The following NEXMIF variants were observed in gnomAD, a reference collection of about 807,000 sequenced individuals.
The protein encoded by NEXMIF is XLMR protein related to neurite extension.
In NEXMIF, 8 loss-of-function variants were observed where a neutral mutation model predicts 62.1. That is an observed-to-expected ratio of 0.13 (90% CI 0.08 to 0.23). The LOEUF (loss-of-function observed/expected upper bound fraction) is 0.23. NEXMIF is among the 10% of genes least tolerant of loss of function. The pLI, the probability that NEXMIF is intolerant of heterozygous loss-of-function variation, is 1.00. For missense variants in NEXMIF, 976 were observed against 1,113.3 expected (o/e 0.88, Z 1.75); for synonymous variants, 404 against 416.6 (o/e 0.97, Z 0.37).
intron 1 of NEXMIF, among the ~76,000 whole-genome samples, chrX:74,883,336 C>G (rs1433748453): frequency 9.0e-6 from 1 of 110,945 alleles, no homozygotes; most frequent in Non-Finnish European, 1.9e-5. Flanking sequence ...CTTCAGAAGA[C>G]CAAACTACTC....
At chrX:74,823,816 G>A (rs1327357664) in intron 1 of NEXMIF, among the ~76,000 whole-genome samples, 1 of 111,180 alleles carries the variant, frequency 9.0e-6, no homozygotes, top group African/African-American at 3.3e-5. Context: ...TGTAAAAAAC[G>A]TTAACATTTG....
At chrX:74,796,601 G>A (rs2080312801) in intron 1 of NEXMIF, among the ~76,000 whole-genome samples, 1 of 109,659 alleles carries the variant, frequency 9.1e-6, no homozygotes, top group African/African-American at 3.3e-5. Context: ...AAAGATAAAA[G>A]GAAGAGGGCA....
rs1387933313 is a variant in NEXMIF at position 74,817,472 on chromosome X, C to G, written c.-47-71775G>C. Among the ~76,000 whole-genome samples the G allele has an allele frequency of 3.6e-5, 4 of 111,769 alleles. No individual in the cohort carries two copies. The East Asian group carries it at 1.1e-3, about 31-fold the overall frequency. On this transcript the variant is annotated intron_variant, in intron 1 of 3. Transcript: ENST00000055682. ...AAGTTCTTTAAATACAGTCCATATACTAAAGGGTCAGGAAGACCTTAATAA... is the reference window on the plus strand; with the variant it reads ...AAGTTCTTTAAATACAGTCCATATAGTAAAGGGTCAGGAAGACCTTAATAA...
intron 1 of NEXMIF, among the ~76,000 whole-genome samples, chrX:74,783,912 A>G (rs2080253491): frequency 9.0e-6 from 1 of 110,900 alleles, no homozygotes; most frequent in Non-Finnish European, 1.9e-5. Context: ...TGCTTTCAGT[A>G]GTTTTAGGTA....
intron 1 of NEXMIF, among the ~76,000 whole-genome samples, chrX:74,870,229 G>A (rs1358797022): frequency 1.8e-5 from 2 of 111,061 alleles, no homozygotes; most frequent in Non-Finnish European, 3.8e-5. Context: ...AGAAAGGAGA[G>A]TATCCTCAAT....
intron 1 of NEXMIF, among the ~76,000 whole-genome samples, chrX:74,780,426 G>T: frequency 9.2e-6 from 1 of 108,666 alleles, no homozygotes; most frequent in East Asian, 2.9e-4. Flanking sequence ...ACCCAGGCTG[G>T]AGTGCAGTGG....
At chrX:74,922,814 G>A (rs1021748292) in intron 1 of NEXMIF, among the ~76,000 whole-genome samples, 2 of 111,715 alleles carry the variant, frequency 1.8e-5, no homozygotes, top group Non-Finnish European at 3.8e-5. Flanking sequence ...TCACAGATCT[G>A]AATGCTGTTA....
rs1311516587 is a variant in NEXMIF, at chrX:74,742,751, G to C, written c.1806C>G (p.Ile602Met). The change falls in exon 3 of 4, where the codon ATC (isoleucine) becomes ATG (methionine). Residue 602 changes from isoleucine (I) to methionine (M), a missense_variant. By Grantham distance (10) the Ile-to-Met change is conservative. This residue lies in a region of NEXMIF where 639 missense variants were observed against 694.5 expected (regional missense o/e 0.92). Transcript: ENST00000055682. ...KKQRNTNTDS[I>M]KTPFSQKQSF... ...TTTGCTTTTGGGAAAAAGGTGTCTTGATGGAGTCCGTGTTGGTGTTTCTCT... is the reference window on the plus strand; with the variant it reads ...TTTGCTTTTGGGAAAAAGGTGTCTTCATGGAGTCCGTGTTGGTGTTTCTCT... 1 of 1,210,756 alleles carries C rather than the reference G, an allele frequency of 8.3e-7. No homozygotes were observed. The highest frequency in any genetic ancestry group is 3.0e-5 in the East Asian group (1 of 33,798).
intron 1 of NEXMIF, among the ~76,000 whole-genome samples, chrX:74,792,823 G>T (rs1457757190): frequency 3.5e-5 from 3 of 86,428 alleles, no homozygotes; most frequent in African/African-American, 1.3e-4. Context: ...TTTTCCATTT[G>T]CTTGGTAGAT....
chrX:74,764,504 C>T (rs1328173537), intron 1 of NEXMIF, among the ~76,000 whole-genome samples: 3 of 111,800 alleles, frequency 2.7e-5, no homozygotes, highest in Non-Finnish European at 5.6e-5. Context: ...GGGAGGATTC[C>T]CTCTTTTTCT....
chrX:74,831,888 C>T (rs1017109447), intron 1 of NEXMIF, among the ~76,000 whole-genome samples: 26 of 112,126 alleles, frequency 2.3e-4, no homozygotes, highest in Admixed American at 1.0e-3. Context: ...GGTTTTTGTG[C>T]TACACTCCAT....
intron 1 of NEXMIF, among the ~76,000 whole-genome samples, chrX:74,847,709 G>C (rs1324142557): frequency 9.0e-6 from 1 of 111,468 alleles, no homozygotes; most frequent in African/African-American, 3.3e-5. Flanking sequence ...GGGCCTGTTG[G>C]CAAGGACATT....
intron 1 of NEXMIF, among the ~76,000 whole-genome samples, chrX:74,859,396 A>G (rs769534056): frequency 3.2e-4 from 36 of 111,809 alleles, no homozygotes; most frequent in Non-Finnish European, 5.6e-4. Flanking sequence ...ACCCTAAAAT[A>G]GTATATCCCG....
chrX:74,762,551 A>G (rs1423650095), intron 1 of NEXMIF, among the ~76,000 whole-genome samples: 6 of 111,818 alleles, frequency 5.4e-5, no homozygotes, highest in African/African-American at 2.0e-4. Context: ...TGTCTTCCAC[A>G]ATGGTTGAAC....
At chrX:74,801,952 G>A (rs1251061276) in intron 1 of NEXMIF, among the ~76,000 whole-genome samples, 1 of 112,335 alleles carries the variant, frequency 8.9e-6, no homozygotes, top group African/African-American at 3.2e-5. Context: ...TGGTTGTGGT[G>A]GCCATGGGGT....
intron 1 of NEXMIF, among the ~76,000 whole-genome samples, chrX:74,923,257 C>A (rs1043090672): frequency 3.6e-5 from 4 of 111,764 alleles, no homozygotes; most frequent in African/African-American, 1.3e-4. Context: ...ACCTAGTAAG[C>A]AAATACGTTT....
intron 1 of NEXMIF, among the ~76,000 whole-genome samples, chrX:74,789,127 T>TC (rs1325759599): frequency 2.1e-5 from 1 of 47,327 alleles, no homozygotes; most frequent in Admixed American, 3.1e-4. Context: ...TCCCTCCCCC[T>TC]CCCCCCACCC....
rs980512469 is a variant in NEXMIF, at chrX:74,836,656, C to T, written c.-48+88227G>A. ...ACCCTATTGTGGCTTAGCTGGTATC[C>T]AAGATGCAAGACGAAGTCCTCTTTC... On this transcript the variant is annotated intron_variant, in intron 1 of 3. Transcript: ENST00000055682. Among the ~76,000 whole-genome samples, 3 of 111,191 alleles carry T rather than the reference C, an allele frequency of 2.7e-5. No homozygotes were observed. In the Admixed American group the frequency reaches 2.8e-4, roughly 11 times the overall value.
intron 1 of NEXMIF, among the ~76,000 whole-genome samples, chrX:74,900,566 G>T (rs1351438074): frequency 1.8e-5 from 2 of 111,729 alleles, no homozygotes; most frequent in African/African-American, 6.5e-5. Context: ...ACTACTGGTG[G>T]GAAGGTAAAA....
Sources: allele counts gnomAD v4.1 joint callset (sites outside exome capture counted in the v4.1 genomes callset), GRCh38; gene constraint gnomAD v4.1.1; regional missense constraint gnomAD v4.1.1; transcripts MANE v1.5; gene names NCBI Gene and HGNC (gene_info 2026-07-23, HGNC 2026-07-21).